The following IGSF23 variants were observed in gnomAD, a reference collection of about 807,000 sequenced individuals.
IGSF23 encodes the protein immunoglobulin superfamily, member 23.
A neutral mutation model predicts 17.8 loss-of-function variants in IGSF23; 14 were observed. The observed-to-expected ratio is 0.79, with a 90% CI of 0.52 to 1.23. The LOEUF (loss-of-function observed/expected upper bound fraction) is 1.23. Ranked by LOEUF, IGSF23 falls within the 50% of genes most tolerant of loss-of-function variation. The pLI is 0.00. For missense variants in IGSF23, 214 were observed against 241.7 expected (o/e 0.89, Z 0.76); for synonymous variants, 85 against 92.5 (o/e 0.92, Z 0.46).
At chr19:44,635,368 C>G (rs1408466363) in intron 3 of IGSF23, 33 bp from the exon 4 acceptor site, 6 of 1,323,156 alleles carry the variant, frequency 4.5e-6, no homozygotes, top group Non-Finnish European at 6.0e-6. Flanking sequence ...CTCTCTCTCT[C>G]TCTCTCTGTC....
intron 3 of IGSF23, among the ~76,000 whole-genome samples, chr19:44,633,125 G>A (rs890306374): frequency 5.3e-5 from 8 of 152,356 alleles, no homozygotes; most frequent in Non-Finnish European, 7.3e-5. Flanking sequence ...GCAGGCTACA[G>A]TATGTAAATG....
intron 2 of IGSF23, among the ~76,000 whole-genome samples, chr19:44,626,220 TC>T (rs1261752324): frequency 1.3e-5 from 2 of 152,056 alleles, no homozygotes; most frequent in African/African-American, 4.8e-5. Context: ...CTTGGCTGGG[TC>T]CCAGAGAACC....
intron 3 of IGSF23, among the ~76,000 whole-genome samples, chr19:44,633,249 C>T (rs1329530522): frequency 6.6e-6 from 1 of 152,226 alleles, no homozygotes; most frequent in Non-Finnish European, 1.5e-5. Flanking sequence ...TCTCTTTACT[C>T]AGCGGCCACT....
At chr19:44,627,605 C>A in intron 3 of IGSF23, 32 bp downstream of exon 3, 1 of 1,531,862 alleles carries the variant, frequency 6.5e-7, no homozygotes. Flanking sequence ...GTCCACTGGG[C>A]AACATCCACT....
At chr19:44,616,174 C>CT (rs746790330) in intron 1 of IGSF23, among the ~76,000 whole-genome samples, 9 of 151,870 alleles carry the variant, frequency 5.9e-5, no homozygotes, top group Non-Finnish European at 1.0e-4. Context: ...TATGGGTCTA[C>CT]TTTTTTTTCC....
At chr19:44,624,238 CTCCTTCTTCT>C (rs1330414620) in intron 2 of IGSF23, among the ~76,000 whole-genome samples, 1 of 150,416 alleles carries the variant, frequency 6.6e-6, no homozygotes, top group Non-Finnish European at 1.5e-5. Context: ...CCTCCTCCTC[CTCCTTCTTCT>C]TCCTTCTTCT....
At chr19:44,629,632 CTTT>C (rs11344283) in intron 3 of IGSF23, among the ~76,000 whole-genome samples, 4 of 114,118 alleles carry the variant, frequency 3.5e-5, no homozygotes, top group Admixed American at 2.0e-4. Context: ...TATATGCTTT[CTTT>C]TTTTTTTTTT....
intron 3 of IGSF23, among the ~76,000 whole-genome samples, chr19:44,630,393 G>A (rs1037352643): frequency 1.3e-5 from 2 of 152,244 alleles, no homozygotes; most frequent in African/African-American, 4.8e-5. Flanking sequence ...TTTCCCAAGT[G>A]AGTAGAGCTA....
chr19:44,614,518 A>G (rs1026485709), intron 1 of IGSF23, among the ~76,000 whole-genome samples: 4 of 151,986 alleles, frequency 2.6e-5, no homozygotes, highest in African/African-American at 9.7e-5. Context: ...TTGCAGCTTC[A>G]ACCTGCTGGG....
intron 1 of IGSF23, among the ~76,000 whole-genome samples, chr19:44,619,275 C>T (rs551471737): frequency 6.6e-6 from 1 of 152,332 alleles, no homozygotes; most frequent in South Asian, 2.1e-4. Context: ...GAGGCCCCAC[C>T]ACCAACACTG....
intron 2 of IGSF23, 149 bp from the exon 3 acceptor site, chr19:44,627,271 G>A: frequency 1.4e-6 from 1 of 735,870 alleles, no homozygotes; most frequent in Non-Finnish European, 2.1e-6. Context: ...TAGGGCAGGA[G>A]AGCAGGGAGG....
intron 2 of IGSF23, 43 bp from the exon 3 acceptor site, chr19:44,627,377 C>G (rs1205865064): frequency 3.4e-6 from 5 of 1,458,022 alleles, no homozygotes; most frequent in South Asian, 1.4e-5. Context: ...ACAGGGAGGG[C>G]GGGCAGATGG....
At chr19:44,618,154 G>C in intron 1 of IGSF23, 1 of 471,076 alleles carries the variant, frequency 2.1e-6, no homozygotes, top group Non-Finnish European at 4.4e-6. Flanking sequence ...TTGACCGAAG[G>C]AGCCAGTGTC....
chr19:44,627,471 T>C lies in IGSF23; in HGVS notation c.443T>C (p.Leu148Pro), dbSNP rs1253714607. The change falls in exon 3 of 5, where the codon CTG becomes CCG. Residue 148 changes from leucine to proline, a missense_variant. Transcript: ENST00000402988. ...EAEPMEPDPT[L>P]SLSGGSAIGL... ...GAGCCCATGGAGCCAGACCCCACTC[T>C]GTCCCTGTCAGGAGGCTCTGCCATC... The C allele has an allele frequency of 7.7e-6, 12 of 1,550,458 alleles. No individual in the cohort carries two copies. The highest frequency in any genetic ancestry group is 1.0e-5 in the Non-Finnish European group (12 of 1,146,926).
chr19:44,635,268 T>C (rs2123730666), intron 3 of IGSF23, 133 bp from the exon 4 acceptor site: 8 of 691,158 alleles, frequency 1.2e-5, no homozygotes, highest in Middle Eastern at 3.9e-4. Context: ...GAAGAATCTA[T>C]CTCCAAATAT....
At chr19:44,628,570 A>G (rs1354118437) in intron 3 of IGSF23, among the ~76,000 whole-genome samples, 1 of 151,988 alleles carries the variant, frequency 6.6e-6, no homozygotes, top group Non-Finnish European at 1.5e-5. Context: ...CAACATGACA[A>G]GACATCTTGT....
At chr19:44,618,128 G>C (rs929752140) in intron 1 of IGSF23, 17 of 470,928 alleles carry the variant, frequency 3.6e-5, no homozygotes, top group Middle Eastern at 6.5e-4. Flanking sequence ...TGCCCTTCTC[G>C]GCACAGCTGA....
At position 44,635,456 on chromosome 19, in the gene IGSF23, A is replaced by G. The variant is rs1972870061; in HGVS notation, c.*22A>G. On this transcript the variant is annotated 3_prime_UTR_variant, in exon 4 of 5. Coordinates refer to ENST00000402988, the MANE Select transcript of IGSF23 (RefSeq NM_001205280.2). The stretch of plus-strand genomic sequence containing the variant: ...CTGAAATGTGGGCAACTCTCCTGTC[A>G]GCTGAAGAGGTAATACCAGGAAGGG... 3 of 1,548,552 alleles carry G rather than the reference A, an allele frequency of 1.9e-6. No homozygotes were observed. The highest frequency in any genetic ancestry group is 1.2e-5 in the South Asian group (1 of 83,976).
At chr19:44,613,848 A>C in intron 1 of IGSF23, 78 bp downstream of exon 1, 1 of 1,547,186 alleles carries the variant, frequency 6.5e-7, no homozygotes, top group Non-Finnish European at 8.7e-7. Flanking sequence ...CCGGGGCTGC[A>C]GACGCGACTG....
Sources: gnomAD v4.1 joint callset for allele counts (sites outside exome capture counted in the v4.1 genomes callset) on GRCh38, gnomAD v4.1.1 for gene constraint, MANE v1.5 for transcripts, NCBI Gene and HGNC (gene_info 2026-07-23, HGNC 2026-07-21) for gene names.